Variants in MAP3K15 observed in about 807,000 individuals in gnomAD.
The protein encoded by MAP3K15 is mitogen-activated protein kinase kinase kinase 15.
MAP3K15 carries 124 observed loss-of-function variants against 99.5 expected under a neutral mutation model. The ratio of observed to expected loss-of-function variants is 1.25; its 90% CI spans 1.08 to 1.45. The LOEUF (loss-of-function observed/expected upper bound fraction) is 1.45. Ranked by LOEUF, MAP3K15 falls within the 40% of genes most tolerant of loss-of-function variation. MAP3K15 has a pLI of 0.00. For missense variants in MAP3K15, 1,242 were observed against 1,079.7 expected (o/e 1.15, Z -2.11); for synonymous variants, 494 against 439.6 (o/e 1.12, Z -1.55).
At chrX:19,499,200 G>C (rs1045000242) in intron 1 of MAP3K15, among the ~76,000 whole-genome samples, 1 of 111,857 alleles carries the variant, frequency 8.9e-6, no homozygotes, top group African/African-American at 3.2e-5. Context: ...AATCATGAGG[G>C]AAAGGCAAAT....
chrX:19,463,922 C>A (rs1214571288), intron 4 of MAP3K15, among the ~76,000 whole-genome samples: 2 of 110,825 alleles, frequency 1.8e-5, no homozygotes, highest in African/African-American at 6.6e-5. Context: ...AAATCACTGA[C>A]AACTTCCTAT....
intron 12 of MAP3K15, among the ~76,000 whole-genome samples, chrX:19,409,118 T>A (rs898315511): frequency 3.6e-5 from 4 of 111,718 alleles, no homozygotes; most frequent in African/African-American, 1.3e-4. Context: ...TAAGTGATGT[T>A]GATGGTATCC....
At chrX:19,486,903 C>T (rs1199262511) in intron 2 of MAP3K15, among the ~76,000 whole-genome samples, 9 of 111,063 alleles carry the variant, frequency 8.1e-5, no homozygotes, top group African/African-American at 2.6e-4. Flanking sequence ...GCCCAGAAGG[C>T]ACCGTGCTAT....
At chrX:19,414,109 C>A (rs999588800) in intron 10 of MAP3K15, among the ~76,000 whole-genome samples, 3 of 98,199 alleles carry the variant, frequency 3.1e-5, no homozygotes, top group Non-Finnish European at 6.0e-5. Context: ...TGCAGTGAGC[C>A]GAGGTTGCAC....
intron 18 of MAP3K15, among the ~76,000 whole-genome samples, chrX:19,388,754 G>A (rs955468673): frequency 1.8e-5 from 2 of 112,013 alleles, no homozygotes; most frequent in African/African-American, 6.5e-5. Flanking sequence ...GCAGCCAGAC[G>A]AGAACAGACT....
At chrX:19,383,843 G>T (rs915273193) in intron 18 of MAP3K15, among the ~76,000 whole-genome samples, 1 of 111,476 alleles carries the variant, frequency 9.0e-6, no homozygotes, top group Non-Finnish European at 1.9e-5. Context: ...TAACAAATGC[G>T]GGCGAGGATG....
chrX:19,476,614 G>A (rs1256646431), intron 3 of MAP3K15, among the ~76,000 whole-genome samples: 2 of 111,712 alleles, frequency 1.8e-5, no homozygotes, highest in African/African-American at 3.3e-5. Context: ...TTAGAGCAAC[G>A]CAAATAGCAT....
chrX:19,413,009 G>A (rs1321602497), intron 11 of MAP3K15, among the ~76,000 whole-genome samples: 8 of 109,411 alleles, frequency 7.3e-5, no homozygotes, highest in African/African-American at 2.7e-4. Context: ...AAAAGTGTTG[G>A]GACTACAGCT....
At chrX:19,405,264 G>A (rs536247617) in intron 13 of MAP3K15, among the ~76,000 whole-genome samples, 3 of 111,958 alleles carry the variant, frequency 2.7e-5, no homozygotes, top group African/African-American at 6.5e-5. Flanking sequence ...GATGATCCAC[G>A]TTAACATCAC....
At chrX:19,469,555 C>A (rs1287472288) in intron 3 of MAP3K15, among the ~76,000 whole-genome samples, 1 of 110,289 alleles carries the variant, frequency 9.1e-6, no homozygotes, top group East Asian at 2.8e-4. Flanking sequence ...CAAATGGGAT[C>A]TAATTAAACT....
intron 18 of MAP3K15, among the ~76,000 whole-genome samples, chrX:19,391,708 A>G (rs1264617620): frequency 1.8e-5 from 2 of 109,044 alleles, no homozygotes; most frequent in African/African-American, 6.6e-5. Context: ...AAAGAAAAAA[A>G]GAAAAAAAAG....
chrX:19,435,892 G>A (rs1239769743), intron 6 of MAP3K15, among the ~76,000 whole-genome samples: 1 of 112,349 alleles, frequency 8.9e-6, no homozygotes, highest in African/African-American at 3.2e-5. Flanking sequence ...GGTGGCTCAC[G>A]CCTGTAATCC....
chrX:19,389,655 G>C (rs753296550), intron 18 of MAP3K15, among the ~76,000 whole-genome samples: 104 of 112,388 alleles, frequency 9.3e-4, no homozygotes, highest in Non-Finnish European at 1.5e-3. Flanking sequence ...AATTACTTGG[G>C]AAGTGTGATA....
At chrX:19,394,789 CTTTT>C (rs144723219) in intron 16 of MAP3K15, among the ~76,000 whole-genome samples, 15 of 17,506 alleles carry the variant, frequency 8.6e-4, no homozygotes, top group East Asian at 3.3e-3. Context: ...GGGTCTGTTG[CTTTT>C]TTTTTTTTTT....
chrX:19,373,728 G>C, intron 20 of MAP3K15, 33 bp from the exon 21 acceptor site: 1 of 1,182,045 alleles, frequency 8.5e-7, no homozygotes, highest in Non-Finnish European at 1.1e-6. Flanking sequence ...CGAATGGGGA[G>C]ACTCAGAGAG....
At chrX:19,368,197 C>A (rs1174286517) in intron 25 of MAP3K15, among the ~76,000 whole-genome samples, 2 of 111,635 alleles carry the variant, frequency 1.8e-5, no homozygotes, top group African/African-American at 6.5e-5. Context: ...GGCTAGAGTG[C>A]AATGGCACGA....
At chrX:19,370,022 G>C (rs1018860847) in intron 24 of MAP3K15, among the ~76,000 whole-genome samples, 1 of 111,584 alleles carries the variant, frequency 9.0e-6, no homozygotes, top group African/African-American at 3.3e-5. Context: ...TTAAGCACTG[G>C]GGTTTCCCAA....
chrX:19,374,103 C>A (rs1379056561), intron 20 of MAP3K15, among the ~76,000 whole-genome samples: 3 of 111,157 alleles, frequency 2.7e-5, no homozygotes, highest in African/African-American at 9.8e-5. Context: ...AGGGTTGGCA[C>A]ACGATGACAA....
At chrX:19,444,085 TCCC>T (rs755541518) in intron 6 of MAP3K15, among the ~76,000 whole-genome samples, 1 of 111,923 alleles carries the variant, frequency 8.9e-6, no homozygotes, top group African/African-American at 3.2e-5. Context: ...CCATGAATAA[TCCC>T]CCAAGGGCTG....
Sources: allele counts gnomAD v4.1 joint callset (sites outside exome capture counted in the v4.1 genomes callset), GRCh38; gene constraint gnomAD v4.1.1; transcripts MANE v1.5; gene names NCBI Gene and HGNC (gene_info 2026-07-23, HGNC 2026-07-21).